Variants in KMT2D observed in about 807,000 individuals in gnomAD.
The protein encoded by KMT2D is histone-lysine N-methyltransferase 2D.
A neutral mutation model predicts 512.7 loss-of-function variants in KMT2D; 55 were observed. The observed-to-expected ratio is 0.11, with a 90% confidence interval of 0.09 to 0.13. The LOEUF (loss-of-function observed/expected upper bound fraction) is 0.13. Ranked by LOEUF, KMT2D falls within the 10% of genes least tolerant of loss-of-function variation. The pLI is 1.00. For missense variants in KMT2D, 6,061 were observed against 7,127.9 expected (o/e 0.85, Z 5.39); for synonymous variants, 2,995 against 2,904.0 (o/e 1.03, Z -1.01).
At chr12:49,049,660 C>T (rs2120637574) in intron 12 of KMT2D, 22 bp downstream of exon 12, 1 of 1,548,676 alleles carries the variant, frequency 6.5e-7, no homozygotes, top group Non-Finnish European at 8.8e-7. Context: ...TAATCACATC[C>T]CGCAGCTAGA....
chr12:49,048,189 G>A (rs1175873149), intron 14 of KMT2D, 120 bp from the exon 15 acceptor site: 14 of 642,088 alleles, frequency 2.2e-5, no homozygotes, highest in East Asian at 8.1e-5. Context: ...ATCCCACAGC[G>A]TTAGGATGCT....
At position 49,043,759 on chromosome 12, in the gene KMT2D, C is replaced by G. The variant is rs778446878; in HGVS notation, c.5343G>C (p.Leu1781=). 3.1e-6 allele frequency: 5 copies of G among 1,612,838 alleles called. No individual in the cohort carries two copies. In the African/African-American group the frequency reaches 4.0e-5, roughly 13 times the overall value. ...YLQEAFFGKE[L]LDLSRKALFA... is the part of the protein sequence containing the mutation. ...AAAGGGCCTTACGGCTCAGGTCCAG[C>G]AGCTCCTTCCCAAAGAAGGCTTCCT... The change falls in exon 24 of 55, where the codon CTG becomes CTC. Residue 1781 remains leucine (L), a synonymous_variant. Transcript: ENST00000301067.
chr12:49,051,402 G>T lies in KMT2D; in HGVS notation c.2281C>A (p.Leu761Ile), dbSNP rs1315218968. 9 of 1,611,672 alleles carry T rather than the reference G, an allele frequency of 5.6e-6. 1 individual carries two copies. In the South Asian group the frequency reaches 9.9e-5, roughly 18 times the overall value. The stretch of plus-strand genomic sequence containing the variant: ...TGTGGCTCCTCAGCCTGCGGAGATA[G>T]GTGTGGCTCCTCAGGCCGGGGGGAC... The part of the protein sequence containing the change: ...HLSPRPEEPH[L>I]SPQAEEPHLS... The change falls in exon 11 of 55, where the codon CTA (leucine) becomes ATA (isoleucine). Residue 761 changes from leucine (L) to isoleucine (I), a missense_variant. Coordinates refer to ENST00000301067, the MANE Select transcript of KMT2D (RefSeq NM_003482.4).
In KMT2D at chr12:49,037,511, T is replaced by C. The variant is rs1943279216; in HGVS notation, c.9845A>G (p.Gln3282Arg). 1 of 1,556,888 alleles carries C rather than the reference T, an allele frequency of 6.4e-7. No individual in the cohort carries two copies. The highest frequency in any genetic ancestry group is 8.7e-7 in the Non-Finnish European group (1 of 1,150,136). Residue 3282 changes from glutamine to arginine, a missense_variant, in exon 35 of 55, where the codon CAG becomes CGG. Gln to Arg is a conservative substitution (Grantham distance 43, BLOSUM62 1). This residue lies in a region of KMT2D where 533 missense variants were observed against 539.6 expected (regional missense o/e 0.99). Transcript: ENST00000301067. ...PAQQQQQQQQ[Q>R]HSLLSAPGPA... ...GCCTGGTGCAGACAGTAGGGAATGC[T>C]GCTGCTGCTGTTGCTGCTGCTGCTG...
rs2137706875 is a variant in KMT2D, at chr12:49,022,701, C to T, written c.16227G>A (p.Leu5409=). The T allele has an allele frequency of 6.2e-7, 1 of 1,614,018 alleles. No individual in the cohort carries two copies. Among genetic ancestry groups the T allele is most frequent in the Non-Finnish European group, 8.5e-7 (1 of 1,179,894 alleles). The change falls in exon 52 of 55, where the codon CTG becomes CTA. Residue 5409 remains leucine (L), a synonymous_variant. Coordinates refer to ENST00000301067, the MANE Select transcript of KMT2D (RefSeq NM_003482.4). This position sits in a 1 kb window ranked among gnomAD's most constrained non-coding sequence, Gnocchi z 8.6. The stretch of plus-strand genomic sequence containing the variant: ...CTAGGTCCTTGGCTGCATAGAGCCC[C>T]AGGCCCTGGATACGGGAGCGAGCCA... The part of the protein sequence containing the change: ...VYLARSRIQG[L]GLYAAKDLEK...
chr12:49,026,699 T>C lies in KMT2D; in HGVS notation c.15267A>G (p.Leu5089=). 1 of 1,613,972 alleles carries C rather than the reference T, an allele frequency of 6.2e-7. No homozygotes were observed. ...TTCGCTGGCACAGGGAGCACTTGGT[T>C]AGCAGTCCTCGGTGCAGGGCAACCT... ...NVEVALHRGL[L]TKCSLCQRTG... Residue 5089 remains leucine, a synonymous_variant, in exon 49 of 55, where the codon CTA becomes CTG. Transcript: ENST00000301067. The surrounding 1 kb of genome is among the most constrained non-coding windows in gnomAD (Gnocchi z 9.6).
In KMT2D at chr12:49,026,073, G is replaced by A; in HGVS notation, c.15784+109C>T. 1.8e-6 allele frequency: 2 copies of A among 1,090,272 alleles called. No homozygotes were observed. Among genetic ancestry groups the A allele is most frequent in the Non-Finnish European group, 1.3e-6 (1 of 771,138 alleles). The allele number at this position is 1,090,272 out of a possible 1,614,324, so 67.5% of individuals were successfully genotyped here. A position where few individuals can be genotyped will look rare whatever the true frequency, so the allele number is the denominator to read the frequency against. On this transcript the variant is annotated intron_variant, in intron 49 of 54. Transcript: ENST00000301067. This position sits in a 1 kb window ranked among gnomAD's most constrained non-coding sequence, Gnocchi z 9.6. ...CCCTGCCTGCCTGAGGTGGGGGAAG[G>A]AGGATCATTCACATAGAAGCTACAG... is the stretch of plus-strand genomic sequence containing the variant.
chr12:49,051,461 G>A lies in KMT2D; in HGVS notation c.2222C>T (p.Pro741Leu), dbSNP rs587778453. 4.0e-5 allele frequency: 64 copies of A among 1,613,558 alleles called. No individual in the cohort carries two copies. Among genetic ancestry groups the A allele is most frequent in the African/African-American group, 3.3e-4 (25 of 74,968 alleles). The part of the protein sequence containing the change: ...EPQLCPRSEG[P>L]HLSPRPEEPH... The stretch of plus-strand genomic sequence containing the variant: ...CTCCTCAGGCCGGGGTGACAGGTGC[G>A]GCCCCTCGGACCGGGGGCAGAGTTG... Residue 741 changes from proline to leucine, a missense_variant, in exon 11 of 55, where the codon CCG (proline) becomes CTG (leucine). By Grantham distance (98) the Pro-to-Leu change is moderately conservative. This residue lies in a region of KMT2D where 848 missense variants were observed against 838.5 expected (regional missense o/e 1.01). Transcript: ENST00000301067.
In KMT2D at chr12:49,039,783, C is replaced by G. The variant is rs2120516558; in HGVS notation, c.7987G>C (p.Gly2663Arg). The G allele has an allele frequency of 1.9e-6, 3 of 1,613,952 alleles. No homozygotes were observed. The East Asian group carries it at 6.7e-5, about 36-fold the overall frequency. Residue 2663 changes from glycine (G) to arginine (R), a missense_variant, in exon 32 of 55, where the codon GGT becomes CGT. This residue lies in a region of KMT2D where 527 missense variants were observed against 578.9 expected (regional missense o/e 0.91). Transcript: ENST00000301067. The surrounding 1 kb of genome is among the most constrained non-coding windows in gnomAD (Gnocchi z 5.0). ...GSSLATAELP[G>R]TQDPGMSGLS... ...CCGGACATGCCTGGGTCCTGGGTAC[C>G]TGGGAGTTCAGCTGTCGCCAAAGAG...
rs1943289716 is a variant in KMT2D at position 49,037,721 on chromosome 12, T to G, written c.9635A>C (p.Lys3212Thr). Residue 3212 changes from lysine to threonine, a missense_variant, in exon 35 of 55, where the codon AAG (lysine) becomes ACG (threonine). Physicochemically the swap from Lys to Thr is moderately conservative, Grantham distance 78. Transcript: ENST00000301067. ...SGPGGSSLLE[K>T]FELESGALTL... ...CAAAGCCCCACTCTCGAGCTCAAACTTTTCCAGCAGGGAGGATCCTCCTGG... is the reference window on the plus strand; with the variant it reads ...CAAAGCCCCACTCTCGAGCTCAAACGTTTCCAGCAGGGAGGATCCTCCTGG... The G allele has an allele frequency of 6.3e-7, 1 of 1,588,028 alleles. No individual in the cohort carries two copies. Among genetic ancestry groups the G allele is most frequent in the Non-Finnish European group, 8.6e-7 (1 of 1,167,100 alleles).
In KMT2D at chr12:49,045,128, G is replaced by A. The variant is rs538523223; in HGVS notation, c.4742-163C>T. On this transcript the variant is annotated intron_variant, in intron 19 of 54. Transcript: ENST00000301067. ...AGGCCACCAAGGGGCACTGGCTGAG[G>A]CCCGAGTTCTCTGTCAGTGACCCAG... is the stretch of plus-strand genomic sequence containing the variant. Among the ~76,000 whole-genome samples, 2 of 152,292 alleles carry A rather than the reference G, an allele frequency of 1.3e-5. 1 individual carries two copies. The highest frequency in any genetic ancestry group is 4.8e-5 in the African/African-American group (2 of 41,572).
In KMT2D at chr12:49,034,789, C is replaced by A. The variant is rs369408824; in HGVS notation, c.10355+23G>T. The A allele has an allele frequency of 2.5e-5, 41 of 1,611,054 alleles. No homozygotes were observed. The African/African-American group carries it at 4.4e-4, about 17-fold the overall frequency. On this transcript the variant is annotated intron_variant, in intron 36 of 54. Transcript: ENST00000301067. ...GTGACTGGGAAAGAAAAGGGCCAAC[C>A]CCATTCCAGCCCTGAGTCTTACCTG... is the stretch of plus-strand genomic sequence containing the variant.
rs764659894 is a variant in KMT2D at position 49,038,131 on chromosome 12, C to T, written c.9225G>A (p.Ser3075=). 17 of 1,613,850 alleles carry T rather than the reference C, an allele frequency of 1.1e-5. No homozygotes were observed. Among genetic ancestry groups the T allele is most frequent in the African/African-American group, 4.0e-5 (3 of 74,916 alleles). The change falls in exon 35 of 55, where the codon TCG becomes TCA. Residue 3075 remains serine (S), a synonymous_variant. Transcript: ENST00000301067. This position sits in a 1 kb window ranked among gnomAD's most constrained non-coding sequence, Gnocchi z 5.7. ...CCTCCCGTTCAGCCTTCTCATTAGC[C>T]GATTCTACCAGCCTCAGGTGCTCAT... ...IFNEHLRLVE[S]ANEKAEREAL...
rs771403345 is a variant in KMT2D at position 49,048,716 on chromosome 12, GTCA to G, written c.4071_4073del (p.Asp1358del). On this transcript the variant is annotated inframe_deletion, in exon 14 of 55. Transcript: ENST00000301067. ...AGAGAACCACGGTATTCTGCATGGTGTCATCATCTTCTTCCTCCTCCTCCTTAC... is the reference window on the plus strand; with the variant it reads ...AGAGAACCACGGTATTCTGCATGGTGTCATCTTCTTCCTCCTCCTCCTTAC... The G allele has an allele frequency of 1.9e-5, 31 of 1,613,450 alleles. No individual in the cohort carries two copies. The highest frequency in any genetic ancestry group is 2.6e-5 in the Non-Finnish European group (31 of 1,179,524).
chr12:49,057,323 G>A (rs953062708), intron 1 of KMT2D, among the ~76,000 whole-genome samples: 1 of 152,180 alleles, frequency 6.6e-6, no homozygotes, highest in Non-Finnish European at 1.5e-5. Context: ...GGCCAAAAGA[G>A]TCACAAACAT....
Position 49,031,829 on chromosome 12 carries a change from T to G in KMT2D, c.12876A>C (p.Pro4292=), listed in dbSNP as rs1470086193. 6.4e-7 allele frequency: 1 copy of G among 1,560,326 alleles called. No homozygotes were observed. The highest frequency in any genetic ancestry group is 1.7e-4 in the Middle Eastern group (1 of 5,772). The change falls in exon 40 of 55, where the codon CCA becomes CCC. Residue 4292 remains proline, a synonymous_variant. Transcript: ENST00000301067. ...RPQGPPRLPA[P]PGALSTGPVL... is the part of the protein sequence containing the mutation. ...CTGGTCCTGTAGATAAGGCTCCTGG[T>G]GGGGCAGGGAGCCGGGGTGGGCCCT...
In KMT2D at chr12:49,033,748, C is replaced by T. The variant is rs780464972; in HGVS notation, c.10957G>A (p.Gly3653Arg). 4.3e-5 allele frequency: 70 copies of T among 1,612,534 alleles called. No individual in the cohort carries two copies. Among genetic ancestry groups the T allele is most frequent in the Admixed American group, 5.0e-5 (3 of 59,828 alleles). ...PPQGPPGGQA[G>R]GLRLTPGGMA... ...CCCCCAGGGGTCAGGCGAAGACCTC[C>T]GGCTTGCCCACCCGGAGGCCCCTGT... The change falls in exon 40 of 55, where the codon GGA becomes AGA. Residue 3653 changes from glycine to arginine, a missense_variant. Gly to Arg is a moderately radical substitution (Grantham distance 125, BLOSUM62 -2). Coordinates refer to ENST00000301067, the MANE Select transcript of KMT2D (RefSeq NM_003482.4).
In KMT2D at chr12:49,042,333, G is replaced by A. The variant is rs765386411; in HGVS notation, c.5868-3C>T. On this transcript the variant is annotated splice_polypyrimidine_tract_variant and splice_region_variant and intron_variant, in intron 28 of 54. Transcript: ENST00000301067. The surrounding 1 kb of genome is among the most constrained non-coding windows in gnomAD (Gnocchi z 4.4). ...GGCTAAAGAAGCCCCCGCGCTCCCTGGGGCGCAGGGGCAGAGAGTCACAGG... is the reference window on the plus strand; with the variant it reads ...GGCTAAAGAAGCCCCCGCGCTCCCTAGGGCGCAGGGGCAGAGAGTCACAGG... The A allele has an allele frequency of 9.9e-6, 15 of 1,519,696 alleles. No individual in the cohort carries two copies. Among genetic ancestry groups the A allele is most frequent in the Non-Finnish European group, 1.3e-5 (15 of 1,133,286 alleles). The allele number at this position is 1,519,696 out of a possible 1,614,324, so 94.1% of individuals were successfully genotyped here.
Position 49,049,669 on chromosome 12 carries a change from G to T in KMT2D, c.3906+13C>A, listed in dbSNP as rs1315513807. ...TAACTCTAATCACATCCCGCAGCTA[G>T]ATAGCCCCTCACCTGTTTGATGCGG... is the stretch of plus-strand genomic sequence containing the variant. On this transcript the variant is annotated intron_variant, in intron 12 of 54. Transcript: ENST00000301067. The T allele has an allele frequency of 6.4e-7, 1 of 1,559,344 alleles. No homozygotes were observed. Among genetic ancestry groups the T allele is most frequent in the South Asian group, 1.2e-5 (1 of 83,904 alleles).
Sources: allele counts gnomAD v4.1 joint callset (sites outside exome capture counted in the v4.1 genomes callset), GRCh38; gene constraint gnomAD v4.1.1; regional missense constraint gnomAD v4.1.1; non-coding constraint Gnocchi (gnomAD v3.1); transcripts MANE v1.5; gene names NCBI Gene and HGNC (gene_info 2026-07-23, HGNC 2026-07-21).